Variants in INVS observed in about 807,000 individuals in gnomAD.
The protein encoded by INVS is inversion of embryo turning homolog.
In INVS, 86 loss-of-function variants were observed where a neutral mutation model predicts 108.8. That is an observed-to-expected ratio of 0.79 (90% CI 0.66 to 0.95). The LOEUF (loss-of-function observed/expected upper bound fraction) is 0.95, where lower values mean the gene tolerates loss of function less well. Ranked by LOEUF, INVS falls within the 40% of genes least tolerant of loss-of-function variation. The probability of loss-of-function intolerance (pLI) is 0.00; values close to 1 mark genes in which losing one functional copy is unlikely to be tolerated. For synonymous variants in INVS, 455 were observed against 473.5 expected (o/e 0.96, Z 0.51); for missense variants, 1,169 against 1,297.4 (o/e 0.90, Z 1.52).
At position 100,246,723 on chromosome 9, in the gene INVS, T is replaced by C. The variant is rs1401090464; in HGVS notation, c.1014T>C (p.Leu338=). 6.2e-7 allele frequency: 1 copy of C among 1,614,016 alleles called. No homozygotes were observed. The highest frequency in any genetic ancestry group is 1.7e-5 in the Admixed American group (1 of 60,018). The change falls in exon 8 of 17, where the codon CTT becomes CTC. Residue 338 remains leucine (L), a synonymous_variant. Coordinates refer to ENST00000262457, the MANE Select transcript of INVS (RefSeq NM_014425.5). ...CTGGCAAAGGCAGTGATGATGTCCTTAGAACTATGCTGAGCTTAAAATCGG... is the reference window on the plus strand; with the variant it reads ...CTGGCAAAGGCAGTGATGATGTCCTCAGAACTATGCTGAGCTTAAAATCGG... ...WAAGKGSDDV[L]RTMLSLKSDI... is the part of the protein sequence containing the mutation.
chr9:100,220,471 A>C (rs891746451), intron 3 of INVS, among the ~76,000 whole-genome samples: 2 of 152,220 alleles, frequency 1.3e-5, no homozygotes, highest in African/African-American at 4.8e-5. Flanking sequence ...TGATCATAGC[A>C]GAGTAATGTC....
chr9:100,278,452 A>G (rs1354872354), intron 12 of INVS, among the ~76,000 whole-genome samples: 1 of 152,000 alleles, frequency 6.6e-6, no homozygotes, highest in African/African-American at 2.4e-5. Context: ...CACTCATCAC[A>G]TCTAGAACTC....
At position 100,229,673 on chromosome 9, in the gene INVS, A is replaced by G. The variant is rs1386694263; in HGVS notation, c.461A>G (p.His154Arg). The change falls in exon 5 of 17, where the codon CAT becomes CGT. Residue 154 changes from histidine (H) to arginine (R), a missense_variant. His to Arg is a conservative substitution (Grantham distance 29). This residue lies in a region of INVS where 365 missense variants were observed against 397.5 expected (regional missense o/e 0.92). Coordinates refer to ENST00000262457, the MANE Select transcript of INVS (RefSeq NM_014425.5). ...TQDKNKQTAL[H>R]WSAYYNNPEH... Reference sequence around the variant, plus strand: ...TCGATTTTGCAGCAAACAGCTCTGCATTGGAGTGCCTACTACAATAACCCT... The same window carrying G: ...TCGATTTTGCAGCAAACAGCTCTGCGTTGGAGTGCCTACTACAATAACCCT... The G allele has an allele frequency of 1.2e-6, 2 of 1,613,978 alleles. No homozygotes were observed. The highest frequency in any genetic ancestry group is 1.7e-6 in the Non-Finnish European group (2 of 1,179,982).
chr9:100,290,426 C>T (rs1588148924), intron 13 of INVS, among the ~76,000 whole-genome samples: 2 of 152,080 alleles, frequency 1.3e-5, no homozygotes, highest in Non-Finnish European at 2.9e-5. Flanking sequence ...CTTGGCTCAC[C>T]GCAACCTCTG....
chr9:100,139,372 G>T (rs1377667615), intron 3 of INVS, among the ~76,000 whole-genome samples: 2 of 152,006 alleles, frequency 1.3e-5, no homozygotes, highest in African/African-American at 2.4e-5. Flanking sequence ...CAAGATAAAA[G>T]TCTTTCTATA....
rs60762136 is a variant in INVS, at chr9:100,189,106, CTTTTTTTTTTT to C, written c.274-36945_274-36935del. On this transcript the variant is annotated intron_variant, in intron 3 of 16. Coordinates refer to ENST00000262457, the MANE Select transcript of INVS (RefSeq NM_014425.5). ...TTCTAATGGAACTTATTTGCATCTT[CTTTTTTTTTTT>C]TTTTTTTTTTGGTTAATATAGCTAA... Among the ~76,000 whole-genome samples the C allele has an allele frequency of 3.0e-3, 206 of 69,552 alleles. 3 individuals are homozygous for C. Among genetic ancestry groups the C allele is most frequent in the African/African-American group, 0.013 (197 of 14,754 alleles). The allele number at this position is 69,552 out of a possible 152,430, so 45.6% of individuals were successfully genotyped here.
intron 7 of INVS, 119 bp downstream of exon 7, chr9:100,242,798 G>C: frequency 3.0e-6 from 2 of 660,786 alleles, no homozygotes; most frequent in Non-Finnish European, 5.5e-6. Context: ...CCTTCACCTA[G>C]TTCACTCTGT....
At chr9:100,265,136 G>A (rs527803800) in intron 11 of INVS, among the ~76,000 whole-genome samples, 13 of 151,884 alleles carry the variant, frequency 8.6e-5, no homozygotes, top group African/African-American at 2.9e-4. Flanking sequence ...GTAGAGATGG[G>A]GTTTCACCAT....
intron 14 of INVS, among the ~76,000 whole-genome samples, chr9:100,294,897 AAGGT>A (rs1833742795): frequency 6.6e-6 from 1 of 152,184 alleles, no homozygotes; most frequent in South Asian, 2.1e-4. Context: ...ATAACCCTGC[AAGGT>A]AGGTATTGTT....
chr9:100,259,594 G>C (rs1832544014), intron 10 of INVS, among the ~76,000 whole-genome samples: 1 of 147,176 alleles, frequency 6.8e-6, no homozygotes, highest in African/African-American at 2.5e-5. Flanking sequence ...CTGGAGCGCA[G>C]TGGTGCAATC....
chr9:100,146,463 G>C (rs1318232939), intron 3 of INVS, among the ~76,000 whole-genome samples: 2 of 152,170 alleles, frequency 1.3e-5, no homozygotes, highest in East Asian at 1.9e-4. Flanking sequence ...CAGCCATCTG[G>C]ATGTGTACGT....
At chr9:100,280,919 C>T (rs926055306) in intron 12 of INVS, among the ~76,000 whole-genome samples, 1 of 152,056 alleles carries the variant, frequency 6.6e-6, no homozygotes, top group Admixed American at 6.6e-5. Context: ...GAGACCTTGT[C>T]TCTACAAAAA....
At chr9:100,163,186 ATTTTTTTT>A (rs556149756) in intron 3 of INVS, among the ~76,000 whole-genome samples, 30 of 131,828 alleles carry the variant, frequency 2.3e-4, no homozygotes, top group Non-Finnish European at 3.8e-4. Context: ...TGTTCTTTCT[ATTTTTTTT>A]TTTTTTTTTT....
intron 8 of INVS, among the ~76,000 whole-genome samples, chr9:100,250,249 G>A (rs1258354324): frequency 2.0e-5 from 3 of 152,068 alleles, no homozygotes; most frequent in Non-Finnish European, 4.4e-5. Flanking sequence ...GTAGACAGTT[G>A]TCCAGTGAAC....
chr9:100,266,079 A>T (rs944460851), intron 11 of INVS, among the ~76,000 whole-genome samples: 2 of 150,890 alleles, frequency 1.3e-5, no homozygotes, highest in African/African-American at 4.9e-5. Context: ...GACTCTGCCT[A>T]AAAAAAAAGG....
At chr9:100,244,910 G>A (rs1234361980) in intron 7 of INVS, among the ~76,000 whole-genome samples, 1 of 152,174 alleles carries the variant, frequency 6.6e-6, no homozygotes, top group Non-Finnish European at 1.5e-5. Context: ...TGATGCTGTG[G>A]AAGGAGTGCT....
intron 5 of INVS, among the ~76,000 whole-genome samples, chr9:100,236,916 G>T (rs1384539705): frequency 6.6e-6 from 1 of 152,214 alleles, no homozygotes; most frequent in East Asian, 1.9e-4. Flanking sequence ...TTTCTTCAGA[G>T]CTGGCAGGCA....
intron 3 of INVS, among the ~76,000 whole-genome samples, chr9:100,156,632 A>G (rs1405812302): frequency 6.6e-6 from 1 of 152,050 alleles, no homozygotes; most frequent in Non-Finnish European, 1.5e-5. Context: ...CTACATGAAA[A>G]GATAGGTTTA....
At chr9:100,245,103 T>G (rs1832000685) in intron 7 of INVS, among the ~76,000 whole-genome samples, 1 of 152,208 alleles carries the variant, frequency 6.6e-6, no homozygotes, top group African/African-American at 2.4e-5. Context: ...CAGCACTTTT[T>G]GTCTGAAACT....
Sources: allele counts gnomAD v4.1 joint callset (sites outside exome capture counted in the v4.1 genomes callset), GRCh38; gene constraint gnomAD v4.1.1; regional missense constraint gnomAD v4.1.1; transcripts MANE v1.5; gene names NCBI Gene and HGNC (gene_info 2026-07-23, HGNC 2026-07-21).